UNC5D: variants seen among roughly 807,000 people sequenced by gnomAD.
UNC5D encodes netrin receptor UNC5D.
UNC5D carries 39 observed loss-of-function variants against 105.4 expected under a neutral mutation model. The ratio of observed to expected loss-of-function variants is 0.37; its 90% confidence interval spans 0.29 to 0.48. UNC5D has a LOEUF of 0.48. Among genes scored for constraint, UNC5D ranks in the 20% least tolerant of loss-of-function variants. The pLI is 0.98. For synonymous variants in UNC5D, 452 were observed against 450.4 expected, an observed-to-expected ratio of 1.00 and a Z score of -0.04; for missense variants, 991 against 1,202.4, an observed-to-expected ratio of 0.82 and a Z score of 2.60.
intron 1 of UNC5D, among the ~76,000 whole-genome samples, chr8:35,256,966 T>G (rs914385518): frequency 8.6e-5 from 13 of 150,306 alleles, no homozygotes; most frequent in African/African-American, 2.7e-4. Context: ...TTTGTTTTTT[T>G]TTTTTTTTTG....
intron 1 of UNC5D, among the ~76,000 whole-genome samples, chr8:35,451,401 T>A (rs1808144868): frequency 6.6e-6 from 1 of 152,128 alleles, no homozygotes; most frequent in African/African-American, 2.4e-5. Flanking sequence ...TTCATCTAAT[T>A]AGCACATCAT....
At chr8:35,289,274 T>A (rs1313456614) in intron 1 of UNC5D, among the ~76,000 whole-genome samples, 1 of 152,210 alleles carries the variant, frequency 6.6e-6, no homozygotes, top group Non-Finnish European at 1.5e-5. Flanking sequence ...GTTTGTTACA[T>A]AATGACAAAG....
intron 1 of UNC5D, among the ~76,000 whole-genome samples, chr8:35,405,557 A>T (rs1184622194): frequency 1.3e-5 from 2 of 152,330 alleles, no homozygotes; most frequent in East Asian, 3.9e-4. Flanking sequence ...TTCCAATGGT[A>T]AATGTGAAAG....
At chr8:35,269,848 T>G (rs1805152269) in intron 1 of UNC5D, among the ~76,000 whole-genome samples, 1 of 152,098 alleles carries the variant, frequency 6.6e-6, no homozygotes, top group African/African-American at 2.4e-5. Flanking sequence ...CAGATGGGTG[T>G]GGAGATTCAA....
At position 35,475,339 on chromosome 8, in the gene UNC5D, G is replaced by A. The variant is rs989184377; in HGVS notation, c.104-73953G>A. ...TTTTGTTAGGCATGCCTACACAGTA[G>A]CCAAGTGGAGGCCCAGAAGGGGACC... On this transcript the variant is annotated intron_variant, in intron 1 of 16. Coordinates refer to ENST00000404895, the MANE Select transcript of UNC5D (RefSeq NM_080872.4). Among the ~76,000 whole-genome samples the A allele has an allele frequency of 1.8e-4, 28 of 152,284 alleles. 1 individual carries two copies. Among genetic ancestry groups the A allele is most frequent in the African/African-American group, 6.5e-4 (27 of 41,548 alleles).
At chr8:35,463,618 CAAA>C (rs1189276180) in intron 1 of UNC5D, among the ~76,000 whole-genome samples, 10 of 109,782 alleles carry the variant, frequency 9.1e-5, no homozygotes, top group Non-Finnish European at 3.9e-5. Context: ...CTATCTCTAT[CAAA>C]AAAAAAAAAA....
intron 1 of UNC5D, among the ~76,000 whole-genome samples, chr8:35,473,143 G>A (rs1278672913): frequency 6.6e-6 from 1 of 152,126 alleles, no homozygotes; most frequent in Non-Finnish European, 1.5e-5. Flanking sequence ...AATTACAAGG[G>A]AAGATGCCAA....
intron 1 of UNC5D, among the ~76,000 whole-genome samples, chr8:35,363,160 G>A (rs928136829): frequency 6.6e-6 from 1 of 152,076 alleles, no homozygotes; most frequent in African/African-American, 2.4e-5. Flanking sequence ...TGCTGATAAA[G>A]ACATACCCGA....
At chr8:35,395,428 T>A (rs545461409) in intron 1 of UNC5D, among the ~76,000 whole-genome samples, 1 of 152,296 alleles carries the variant, frequency 6.6e-6, no homozygotes, top group South Asian at 2.1e-4. Flanking sequence ...ATTTTCCATA[T>A]CAAAAAGAAA....
intron 1 of UNC5D, among the ~76,000 whole-genome samples, chr8:35,355,957 C>A (rs1442428176): frequency 6.6e-6 from 1 of 152,084 alleles, no homozygotes; most frequent in South Asian, 2.1e-4. Flanking sequence ...GACTTCCCAG[C>A]CTTCAGGCTA....
intron 4 of UNC5D, among the ~76,000 whole-genome samples, chr8:35,608,459 A>C (rs1820457285): frequency 6.6e-6 from 1 of 152,200 alleles, no homozygotes; most frequent in African/African-American, 2.4e-5. Context: ...GTGCAAGTAT[A>C]ATTTTGTTAC....
chr8:35,418,989 TTTGAAC>T (rs1805710784), intron 1 of UNC5D, among the ~76,000 whole-genome samples: 1 of 152,188 alleles, frequency 6.6e-6, no homozygotes, highest in Non-Finnish European at 1.5e-5. Context: ...ACCCTGAGAA[TTTGAAC>T]AAACTGTTAA....
chr8:35,788,048 A>G (rs1802829707), intron 16 of UNC5D, among the ~76,000 whole-genome samples: 1 of 152,230 alleles, frequency 6.6e-6, no homozygotes, highest in Non-Finnish European at 1.5e-5. Context: ...GAATGTTTTT[A>G]AGCCGGCCTT....
At chr8:35,734,634 T>A (rs1829367899) in intron 11 of UNC5D, among the ~76,000 whole-genome samples, 1 of 152,098 alleles carries the variant, frequency 6.6e-6, no homozygotes, top group African/African-American at 2.4e-5. Flanking sequence ...GGTCTTGAAC[T>A]CCCGACCTCA....
intron 16 of UNC5D, among the ~76,000 whole-genome samples, chr8:35,787,662 G>T (rs1802809784): frequency 6.6e-6 from 1 of 152,146 alleles, no homozygotes; most frequent in Non-Finnish European, 1.5e-5. Context: ...CTGCTGCCCA[G>T]CCTGGAATGC....
intron 1 of UNC5D, among the ~76,000 whole-genome samples, chr8:35,429,390 A>T (rs1402253791): frequency 6.6e-6 from 1 of 152,050 alleles, no homozygotes; most frequent in Non-Finnish European, 1.5e-5. Context: ...TAGTCAGACT[A>T]CCACTAACTC....
intron 1 of UNC5D, among the ~76,000 whole-genome samples, chr8:35,459,410 T>C (rs1482241574): frequency 6.6e-6 from 1 of 152,164 alleles, no homozygotes; most frequent in East Asian, 1.9e-4. Context: ...TTTTCTTTCA[T>C]GGTGAAATGT....
intron 8 of UNC5D, among the ~76,000 whole-genome samples, chr8:35,711,863 A>G (rs1297810982): frequency 6.6e-6 from 1 of 152,212 alleles, no homozygotes; most frequent in Non-Finnish European, 1.5e-5. Flanking sequence ...GACATACAGT[A>G]TAGAGTTTTA....
At chr8:35,477,976 G>C (rs1810233301) in intron 1 of UNC5D, among the ~76,000 whole-genome samples, 1 of 152,006 alleles carries the variant, frequency 6.6e-6, no homozygotes. Flanking sequence ...CCCATGCTAG[G>C]GAGCTGATAT....
Sources: allele counts gnomAD v4.1 joint callset (sites outside exome capture counted in the v4.1 genomes callset), GRCh38; gene constraint gnomAD v4.1.1; transcripts MANE v1.5; gene names NCBI Gene and HGNC (gene_info 2026-07-23, HGNC 2026-07-21).